The following FMN2 variants were observed in gnomAD, a reference collection of about 807,000 sequenced individuals.
The protein encoded by FMN2 is formin-2.
FMN2 carries 51 observed loss-of-function variants against 142.3 expected under a neutral mutation model. That is an observed-to-expected ratio of 0.36 (90% CI 0.29 to 0.45). The LOEUF is 0.45. Ranked by LOEUF, FMN2 falls within the 20% of genes least tolerant of loss-of-function variation. The pLI, the probability that FMN2 is intolerant of heterozygous loss-of-function variation, is 1.00. For missense variants in FMN2, 1,936 were observed against 2,122.8 expected (o/e 0.91, Z 1.73); for synonymous variants, 882 against 869.8 (o/e 1.01, Z -0.25).
At position 240,323,136 on chromosome 1, in the gene FMN2, CTT is replaced by C. The variant is rs571724789; in HGVS notation, c.4216-5937_4216-5936del. Reference sequence around the variant, plus strand: ...TTTTTTCTTTTTCTTTCCTTCCTTCCTTTTCCTTTCCTTTCTCTTTCTCTTTC... The same window carrying C: ...TTTTTTCTTTTTCTTTCCTTCCTTCCTTCCTTTCCTTTCTCTTTCTCTTTC... On this transcript the variant is annotated intron_variant, in intron 8 of 17. Coordinates refer to ENST00000319653, the MANE Select transcript of FMN2 (RefSeq NM_020066.5). Among the ~76,000 whole-genome samples, 298 of 149,654 alleles carry C rather than the reference CTT, an allele frequency of 2.0e-3. 3 individuals carry two copies. The highest frequency in any genetic ancestry group is 5.4e-3 in the Admixed American group (81 of 14,878).
At chr1:240,312,865 A>C (rs1246968582) in intron 8 of FMN2, among the ~76,000 whole-genome samples, 1 of 152,188 alleles carries the variant, frequency 6.6e-6, no homozygotes, top group Admixed American at 6.5e-5. Context: ...TCGCTGCCCT[A>C]CACACTTTAC....
At chr1:240,312,897 C>G (rs1005472841) in intron 8 of FMN2, among the ~76,000 whole-genome samples, 2 of 152,190 alleles carry the variant, frequency 1.3e-5, no homozygotes, top group African/African-American at 4.8e-5. Context: ...TCAATTTGCA[C>G]ATCAAGATTA....
At chr1:240,185,174 T>TTCCCCTTCTCTTTCTCCCTCCTATACC (rs1665378663) in intron 3 of FMN2, among the ~76,000 whole-genome samples, 1 of 87,610 alleles carries the variant, frequency 1.1e-5, no homozygotes, top group African/African-American at 5.3e-5. Context: ...CTCCTACACC[T>TTCCCCTTCTCTTTCTCCCTCCTATACC]TTCCCCTTCT....
At chr1:240,211,463 T>C (rs756784316) in intron 6 of FMN2, among the ~76,000 whole-genome samples, 1 of 152,212 alleles carries the variant, frequency 6.6e-6, no homozygotes, top group Non-Finnish European at 1.5e-5. Flanking sequence ...ATTTGTAACA[T>C]CATAATACAT....
At chr1:240,284,641 T>G (rs1310754020) in intron 7 of FMN2, among the ~76,000 whole-genome samples, 1 of 152,206 alleles carries the variant, frequency 6.6e-6, no homozygotes, top group Non-Finnish European at 1.5e-5. Context: ...GAGGGAAATA[T>G]TTCTACTATT....
intron 2 of FMN2, among the ~76,000 whole-genome samples, chr1:240,148,305 GAGAGAGACAGACAGAAAC>G (rs1160148481): frequency 7.0e-6 from 1 of 143,322 alleles, no homozygotes; most frequent in African/African-American, 2.8e-5. Flanking sequence ...GAGACAGAGA[GAGAGAGACAGACAGAAAC>G]AGAGAGACAG....
intron 15 of FMN2, among the ~76,000 whole-genome samples, chr1:240,415,411 G>C (rs571087644): frequency 6.6e-6 from 1 of 152,176 alleles, no homozygotes; most frequent in South Asian, 2.1e-4. Flanking sequence ...GGGAGGGATA[G>C]CATTAGGAGA....
At chr1:240,466,654 A>G (rs1572344018) in intron 16 of FMN2, among the ~76,000 whole-genome samples, 1 of 152,308 alleles carries the variant, frequency 6.6e-6, no homozygotes, top group East Asian at 1.9e-4. Flanking sequence ...TTTTACCTTG[A>G]TAAGCTTGAA....
At chr1:240,470,851 T>C (rs917231234) in intron 16 of FMN2, among the ~76,000 whole-genome samples, 1 of 148,866 alleles carries the variant, frequency 6.7e-6, no homozygotes, top group African/African-American at 2.5e-5. Context: ...AAAAAAAAAA[T>C]CCAATTTACA....
chr1:240,170,109 A>C (rs1355260209), intron 2 of FMN2: 1 of 614,728 alleles, frequency 1.6e-6, no homozygotes, highest in Non-Finnish European at 2.9e-6. Context: ...CTCAGACAGT[A>C]ATAATCTAGG....
At chr1:240,126,334 A>G (rs1662503263) in intron 2 of FMN2, among the ~76,000 whole-genome samples, 1 of 151,908 alleles carries the variant, frequency 6.6e-6, no homozygotes, top group African/African-American at 2.4e-5. Flanking sequence ...TGCTGTGGGA[A>G]TAATGTCATA....
At chr1:240,358,523 C>A (rs931613745) in intron 14 of FMN2, among the ~76,000 whole-genome samples, 6 of 152,144 alleles carry the variant, frequency 3.9e-5, no homozygotes, top group African/African-American at 1.4e-4. Flanking sequence ...AAGAAAAGAT[C>A]TTTAATTGAC....
chr1:240,468,327 C>T (rs1181295357), intron 16 of FMN2, among the ~76,000 whole-genome samples: 1 of 152,124 alleles, frequency 6.6e-6, no homozygotes, highest in Middle Eastern at 3.2e-3. Flanking sequence ...CATATGCACA[C>T]ACACATATAT....
chr1:240,453,421 A>G (rs1231306696), intron 16 of FMN2, among the ~76,000 whole-genome samples: 1 of 152,204 alleles, frequency 6.6e-6, no homozygotes, highest in African/African-American at 2.4e-5. Context: ...CGACATATCA[A>G]TCACTAAAGT....
chr1:240,337,684 A>G (rs1271521311), intron 13 of FMN2, among the ~76,000 whole-genome samples: 3 of 152,234 alleles, frequency 2.0e-5, no homozygotes, highest in African/African-American at 4.8e-5. Flanking sequence ...CAGTTAAGCA[A>G]TAATCATAGT....
chr1:240,173,585 A>C (rs558192630), intron 2 of FMN2, among the ~76,000 whole-genome samples: 1 of 152,098 alleles, frequency 6.6e-6, no homozygotes, highest in Admixed American at 6.6e-5. Flanking sequence ...TTGGTTTAGG[A>C]AACAAGAAAT....
intron 8 of FMN2, among the ~76,000 whole-genome samples, chr1:240,302,721 C>A (rs912264095): frequency 6.6e-6 from 1 of 151,946 alleles, no homozygotes; most frequent in Non-Finnish European, 1.5e-5. Context: ...CTTTCAAAAC[C>A]AGTTTTCCAA....
chr1:240,328,358 A>T (rs1671264892), intron 8 of FMN2, among the ~76,000 whole-genome samples: 1 of 151,464 alleles, frequency 6.6e-6, no homozygotes, highest in Non-Finnish European at 1.5e-5. Context: ...ATTCAACTTG[A>T]CTTCTGAATA....
At chr1:240,335,964 A>G (rs1014619251) in intron 13 of FMN2, among the ~76,000 whole-genome samples, 11 of 151,656 alleles carry the variant, frequency 7.3e-5, no homozygotes, top group African/African-American at 2.4e-4. Flanking sequence ...ACCAATATGA[A>G]GAAACCCCAT....
Sources: allele counts gnomAD v4.1 joint callset (sites outside exome capture counted in the v4.1 genomes callset), GRCh38; gene constraint gnomAD v4.1.1; transcripts MANE v1.5; gene names NCBI Gene and HGNC (gene_info 2026-07-23, HGNC 2026-07-21).